The following CNTN4 variants were observed in gnomAD, a reference collection of about 807,000 sequenced individuals.
The protein encoded by CNTN4 is contactin 4.
A neutral mutation model predicts 122.5 loss-of-function variants in CNTN4; 77 were observed. The ratio of observed to expected loss-of-function variants is 0.63; its 90% CI spans 0.52 to 0.76. The LOEUF is 0.76. Among genes scored for constraint, CNTN4 ranks in the 30% least tolerant of loss-of-function variants. The pLI is 0.00. For missense variants in CNTN4, 1,256 were observed against 1,259.1 expected (o/e 1.00, Z 0.04); for synonymous variants, 512 against 447.0 (o/e 1.15, Z -1.83).
chr3:2,403,626 A>G (rs1383594254), intron 3 of CNTN4, among the ~76,000 whole-genome samples: 1 of 152,142 alleles, frequency 6.6e-6, no homozygotes, highest in Non-Finnish European at 1.5e-5. Flanking sequence ...GTCAGCTGTT[A>G]ATTTTGTGGT....
intron 2 of CNTN4, among the ~76,000 whole-genome samples, chr3:2,195,812 C>A (rs2149361368): frequency 6.6e-6 from 1 of 152,244 alleles, no homozygotes; most frequent in Admixed American, 6.5e-5. Flanking sequence ...ACTTAGTTAC[C>A]TAGTTTGGCT....
intron 4 of CNTN4, among the ~76,000 whole-genome samples, chr3:2,581,460 A>G (rs2079932985): frequency 6.6e-6 from 1 of 152,192 alleles, no homozygotes; most frequent in Non-Finnish European, 1.5e-5. Context: ...GCACACTAAC[A>G]TGGTCAAGGT....
chr3:2,607,610 C>CCACACACACACACACACACACACACGCA (rs61707029), intron 4 of CNTN4, among the ~76,000 whole-genome samples: 1 of 145,374 alleles, frequency 6.9e-6, no homozygotes, highest in Non-Finnish European at 1.5e-5. Context: ...ACATATGCAT[C>CCACACACACACACACACACACACACGCA]CACACACACA....
At chr3:2,161,613 A>C (rs1332436519) in intron 2 of CNTN4, among the ~76,000 whole-genome samples, 1 of 152,104 alleles carries the variant, frequency 6.6e-6, no homozygotes, top group Non-Finnish European at 1.5e-5. Flanking sequence ...CCATGATCAT[A>C]TTTTTTTCCT....
intron 2 of CNTN4, among the ~76,000 whole-genome samples, chr3:2,147,391 T>A (rs933969723): frequency 5.3e-5 from 8 of 151,882 alleles, no homozygotes; most frequent in Non-Finnish European, 1.0e-4. Flanking sequence ...AAAAAAAAAA[T>A]TTGCAGTAAT....
Position 3,029,847 on chromosome 3 carries a change from G to A in CNTN4, c.1663-1008G>A, listed in dbSNP as rs189281090. Reference sequence around the variant, plus strand: ...GAGTTTAATATAGGTAAAGTACTTGGAAGCTGCCTGTCATATAGTAAATAC... The same window carrying A: ...GAGTTTAATATAGGTAAAGTACTTGAAAGCTGCCTGTCATATAGTAAATAC... On this transcript the variant is annotated intron_variant, in intron 15 of 24. Transcript: ENST00000418658. Among the ~76,000 whole-genome samples, 423 of 152,248 alleles carry A rather than the reference G, an allele frequency of 2.8e-3. 5 individuals are homozygous for A. Among genetic ancestry groups the A allele is most frequent in the African/African-American group, 9.8e-3 (408 of 41,564 alleles).
intron 2 of CNTN4, among the ~76,000 whole-genome samples, chr3:2,170,252 G>A (rs1359628886): frequency 7.2e-5 from 11 of 152,024 alleles, no homozygotes; most frequent in South Asian, 4.2e-4. Flanking sequence ...CCCGGGAGGC[G>A]GAGCTTGCAG....
In CNTN4 at chr3:2,693,629, G is replaced by GA. The variant is rs374174209; in HGVS notation, c.56-42580dup. On this transcript the variant is annotated intron_variant, in intron 4 of 24. Transcript: ENST00000418658. ...GGAGAAGTCAGCTTTAGTCTGGAGA[G>GA]AAAAAATGAATAAATGTTAGCCAGG... 3.3e-3 allele frequency among the ~76,000 whole-genome samples: 496 copies of GA among 152,202 alleles called. 3 individuals carry two copies. Among genetic ancestry groups the GA allele is most frequent in the Middle Eastern group, 0.017 (5 of 294 alleles).
intron 3 of CNTN4, among the ~76,000 whole-genome samples, chr3:2,530,448 A>C (rs2077555983): frequency 6.6e-6 from 1 of 151,546 alleles, no homozygotes; most frequent in African/African-American, 2.4e-5. Flanking sequence ...AGCTGGGATT[A>C]CAGATGCGCG....
chr3:2,275,758 GA>G (rs1229942676), intron 2 of CNTN4, among the ~76,000 whole-genome samples: 1 of 151,228 alleles, frequency 6.6e-6, no homozygotes, highest in Admixed American at 6.6e-5. Context: ...CGTTTCTACT[GA>G]AAATACAAAA....
intron 4 of CNTN4, among the ~76,000 whole-genome samples, chr3:2,622,420 C>A (rs75667192): frequency 6.6e-5 from 10 of 152,056 alleles, no homozygotes; most frequent in Non-Finnish European, 1.2e-4. Context: ...ACTCCCCAAG[C>A]AGTTGGGATT....
intron 4 of CNTN4, among the ~76,000 whole-genome samples, chr3:2,596,700 C>T (rs939164203): frequency 1.3e-5 from 2 of 152,034 alleles, no homozygotes; most frequent in African/African-American, 4.8e-5. Context: ...GTTCACTCTA[C>T]TAGTGGAAGC....
intron 3 of CNTN4, among the ~76,000 whole-genome samples, chr3:2,539,611 C>G (rs1311668633): frequency 2.0e-5 from 3 of 152,032 alleles, no homozygotes; most frequent in African/African-American, 4.8e-5. Context: ...ACTCTTTGCC[C>G]TTTACCACGT....
chr3:2,951,222 G>A (rs997360143), intron 13 of CNTN4, among the ~76,000 whole-genome samples: 8 of 152,188 alleles, frequency 5.3e-5, no homozygotes, highest in African/African-American at 1.9e-4. Context: ...ACCAGGAACT[G>A]GTTTCGTGGA....
At chr3:2,536,713 A>C (rs1262124781) in intron 3 of CNTN4, among the ~76,000 whole-genome samples, 1 of 151,828 alleles carries the variant, frequency 6.6e-6, no homozygotes, top group Non-Finnish European at 1.5e-5. Context: ...CATGAGCCAC[A>C]AGCCACCCCT....
At chr3:2,993,958 T>C (rs1374931600) in intron 14 of CNTN4, among the ~76,000 whole-genome samples, 1 of 152,284 alleles carries the variant, frequency 6.6e-6, no homozygotes, top group Non-Finnish European at 1.5e-5. Flanking sequence ...GGAGAGATAA[T>C]AAATCATTGA....
intron 13 of CNTN4, among the ~76,000 whole-genome samples, chr3:2,937,429 C>T (rs1372294551): frequency 1.3e-5 from 2 of 152,172 alleles, no homozygotes. Context: ...ACCTGGTCAT[C>T]TTCCCCATAT....
chr3:2,751,486 A>G (rs1432638586), intron 6 of CNTN4, among the ~76,000 whole-genome samples: 1 of 152,072 alleles, frequency 6.6e-6, no homozygotes, highest in African/African-American at 2.4e-5. Context: ...ACCTTCATTC[A>G]CTCTACACTC....
chr3:2,469,233 C>T (rs1327704127), intron 3 of CNTN4, among the ~76,000 whole-genome samples: 5 of 152,284 alleles, frequency 3.3e-5, no homozygotes, highest in South Asian at 2.1e-4. Context: ...TAAGACATAA[C>T]CATTTACTTA....
Sources: allele counts gnomAD v4.1 joint callset (sites outside exome capture counted in the v4.1 genomes callset), GRCh38; gene constraint gnomAD v4.1.1; transcripts MANE v1.5; gene names NCBI Gene and HGNC (gene_info 2026-07-23, HGNC 2026-07-21).